Variants in GPR161 observed in about 807,000 individuals in gnomAD.
GPR161 encodes the protein G protein-coupled receptor 161.
GPR161 carries 25 observed loss-of-function variants against 39.2 expected under a neutral mutation model. The observed-to-expected ratio is 0.64, with a 90% CI of 0.47 to 0.89. The LOEUF is 0.89. Among genes scored for constraint, GPR161 ranks in the 40% least tolerant of loss-of-function variants. The pLI is 0.00. For missense variants in GPR161, 547 were observed against 677.8 expected (o/e 0.81, Z 2.14); for synonymous variants, 286 against 276.6 (o/e 1.03, Z -0.34).
At chr1:168,102,040 T>C (rs1696151853) in intron 2 of GPR161, among the ~76,000 whole-genome samples, 1 of 152,146 alleles carries the variant, frequency 6.6e-6, no homozygotes, top group Non-Finnish European at 1.5e-5. Flanking sequence ...TGACTTTGGG[T>C]GATCCACCCA....
intron 1 of GPR161, chr1:168,136,209 G>A: frequency 7.8e-7 from 1 of 1,281,898 alleles, no homozygotes; most frequent in Non-Finnish European, 9.9e-7. Context: ...GCCCGCCCAG[G>A]CTCGGGGAGA....
At chr1:168,094,291 A>C (rs969857202) in intron 3 of GPR161, among the ~76,000 whole-genome samples, 2 of 151,342 alleles carry the variant, frequency 1.3e-5, no homozygotes, top group Admixed American at 6.6e-5. Flanking sequence ...TTTTGCCTAG[A>C]AGACAAGTGA....
chr1:168,115,799 G>A (rs1449462120), intron 1 of GPR161, among the ~76,000 whole-genome samples: 5 of 150,488 alleles, frequency 3.3e-5, no homozygotes, highest in South Asian at 2.1e-4. Flanking sequence ...TTTTTGAGAC[G>A]GAGTCTTGCA....
intron 1 of GPR161, among the ~76,000 whole-genome samples, chr1:168,125,528 T>C (rs980757510): frequency 6.6e-6 from 1 of 152,272 alleles, no homozygotes; most frequent in East Asian, 1.9e-4. Flanking sequence ...CCAGAAAATA[T>C]GAATTTTTTT....
intron 1 of GPR161, among the ~76,000 whole-genome samples, chr1:168,117,904 T>C (rs1004250083): frequency 2.0e-5 from 3 of 152,222 alleles, no homozygotes; most frequent in Non-Finnish European, 4.4e-5. Context: ...AGACTCTCCC[T>C]GTTTGTGGAA....
At chr1:168,105,399 A>G (rs138593365) in intron 1 of GPR161, among the ~76,000 whole-genome samples, 1 of 152,270 alleles carries the variant, frequency 6.6e-6, no homozygotes, top group African/African-American at 2.4e-5. Context: ...CAGGATCACC[A>G]TCACCTGAGA....
rs866596408 is a variant in GPR161 at position 168,096,159 on chromosome 1, A to G, written c.1099+349T>C. 9.7e-4 allele frequency among the ~76,000 whole-genome samples: 133 copies of G among 137,066 alleles called. No individual in the cohort carries two copies. The Middle Eastern group carries it at 0.021, about 22-fold the overall frequency. 89.9% of individuals were successfully genotyped at this position (137,066 alleles called of 152,430 possible). A position where few individuals can be genotyped will look rare whatever the true frequency, so the allele number is the denominator to read the frequency against. On this transcript the variant is annotated intron_variant, in intron 3 of 5. Coordinates refer to ENST00000682931, the MANE Select transcript of GPR161 (RefSeq NM_001375883.1). ...AAAAAAAAAAAAAAAAAAAAAAAAAAAGAGAGAGAGAACTAACTATACACA... is the reference window on the plus strand; with the variant it reads ...AAAAAAAAAAAAAAAAAAAAAAAAAGAGAGAGAGAGAACTAACTATACACA...
intron 1 of GPR161, among the ~76,000 whole-genome samples, chr1:168,130,424 G>T (rs1558142173): frequency 6.6e-6 from 1 of 152,164 alleles, no homozygotes; most frequent in South Asian, 2.1e-4. Flanking sequence ...AGCTGCTGGG[G>T]ATCACCACAC....
At chr1:168,110,123 G>A (rs984357993) in intron 1 of GPR161, among the ~76,000 whole-genome samples, 2 of 152,168 alleles carry the variant, frequency 1.3e-5, no homozygotes, top group Non-Finnish European at 2.9e-5. Context: ...CCTGATGAAA[G>A]TGAGCACATA....
chr1:168,091,600 A>G (rs1255011658), intron 3 of GPR161, among the ~76,000 whole-genome samples: 1 of 152,152 alleles, frequency 6.6e-6, no homozygotes, highest in Non-Finnish European at 1.5e-5. Context: ...TTAGAGGTGA[A>G]GGGGTGCCCA....
chr1:168,136,439 G>C, intron 1 of GPR161: 3 of 1,347,720 alleles, frequency 2.2e-6, no homozygotes, highest in Non-Finnish European at 2.9e-6. Context: ...CGGAGAAACG[G>C]GGCGGGCTGC....
chr1:168,085,850 C>A, intron 5 of GPR161, 54 bp from the exon 6 acceptor site: 8 of 1,508,160 alleles, frequency 5.3e-6, no homozygotes, highest in African/African-American at 1.4e-5. Context: ...CTGGGGACTA[C>A]CTTGGGGACA....
chr1:168,134,013 GT>G (rs1699182319), intron 1 of GPR161: 2 of 201,418 alleles, frequency 9.9e-6, no homozygotes, highest in Non-Finnish European at 1.8e-5. Context: ...TTTCCTATAT[GT>G]TACTGTGTTT....
At position 168,104,589 on chromosome 1, in the gene GPR161, A is replaced by G. The variant is rs772033255; in HGVS notation, c.262T>C (p.Ser88Pro). Reference sequence around the variant, plus strand: ...CCAAAGATCCATTCCCTGCGGATGGAGCTCGTCACCACAAAAGGCAGCACC... The same window carrying G: ...CCAAAGATCCATTCCCTGCGGATGGGGCTCGTCACCACAAAAGGCAGCACC... ...VLVLPFVVTS[S>P]IRREWIFGVV... Residue 88 changes from serine (S) to proline (P), a missense_variant, in exon 2 of 6, where the codon TCC becomes CCC. Physicochemically the swap from Ser to Pro is moderately conservative, Grantham distance 74. Transcript: ENST00000682931. 2 of 1,613,988 alleles carry G rather than the reference A, an allele frequency of 1.2e-6. No homozygotes were observed. Among genetic ancestry groups the G allele is most frequent in the Admixed American group, 3.3e-5 (2 of 59,980 alleles).
rs1572271522 is a variant in GPR161, at chr1:168,096,916, C to T, written c.691G>A (p.Glu231Lys). The T allele has an allele frequency of 2.5e-6, 4 of 1,614,180 alleles. No homozygotes were observed. The East Asian group carries it at 8.9e-5, about 36-fold the overall frequency. ...KVHCGTVVIV[E>K]EDAQRTGRKN... Reference sequence around the variant, plus strand: ...CTCCCGGTCCTCTGAGCATCCTCCTCCACGATGACGACTGTGCCACAGTGC... The same window carrying T: ...CTCCCGGTCCTCTGAGCATCCTCCTTCACGATGACGACTGTGCCACAGTGC... Residue 231 changes from glutamate to lysine, a missense_variant, in exon 3 of 6, where the codon GAG (glutamate) becomes AAG (lysine). Glu to Lys is a moderately conservative substitution (Grantham distance 56, BLOSUM62 1). Coordinates refer to ENST00000682931, the MANE Select transcript of GPR161 (RefSeq NM_001375883.1).
chr1:168,118,315 A>G (rs73030217), intron 1 of GPR161, among the ~76,000 whole-genome samples: 16,800 of 152,238 alleles, frequency 0.11, 1,072 homozygotes, highest in East Asian at 0.19. Flanking sequence ...AATCCAATTC[A>G]AAAACAAGCA....
At position 168,084,950 on chromosome 1, in the gene GPR161, C is replaced by T; in HGVS notation, c.*581G>A. ...CAGCAGGTGGCGCCACTGAGGACCG[C>T]TCCGAAGCGCTCTGCTCCTGGGTGC... is the stretch of plus-strand genomic sequence containing the variant. On this transcript the variant is annotated 3_prime_UTR_variant, in exon 6 of 6. Coordinates refer to ENST00000682931, the MANE Select transcript of GPR161 (RefSeq NM_001375883.1). The T allele has an allele frequency of 2.2e-6, 1 of 456,320 alleles. No individual in the cohort carries two copies. The allele number at this position is 456,320 out of a possible 1,614,324, so 28.3% of individuals were successfully genotyped here.
intron 2 of GPR161, among the ~76,000 whole-genome samples, chr1:168,101,653 C>T (rs980035451): frequency 8.5e-5 from 13 of 152,144 alleles, no homozygotes; most frequent in African/African-American, 2.9e-4. Context: ...TCTGCAAAAT[C>T]GGGGCTAACA....
chr1:168,121,901 T>C (rs1469067970), intron 1 of GPR161, among the ~76,000 whole-genome samples: 1 of 152,022 alleles, frequency 6.6e-6, no homozygotes, highest in African/African-American at 2.4e-5. Context: ...TCCCAGCAAA[T>C]CCCTAAGGTG....
Sources: gnomAD v4.1 joint callset for allele counts (sites outside exome capture counted in the v4.1 genomes callset) on GRCh38, gnomAD v4.1.1 for gene constraint, MANE v1.5 for transcripts, NCBI Gene and HGNC (gene_info 2026-07-23, HGNC 2026-07-21) for gene names.